The following SV2C variants were observed in gnomAD, a reference collection of about 807,000 sequenced individuals.
The protein encoded by SV2C is solute carrier family 22 member B3.
A neutral mutation model predicts 79.7 loss-of-function variants in SV2C; 49 were observed. The ratio of observed to expected loss-of-function variants is 0.61; its 90% CI spans 0.49 to 0.78. The LOEUF (loss-of-function observed/expected upper bound fraction) is 0.78. Among genes scored for constraint, SV2C ranks in the 30% least tolerant of loss-of-function variants. The pLI is 0.00. For synonymous variants in SV2C, 334 were observed against 333.2 expected (o/e 1.00, Z -0.03); for missense variants, 833 against 912.9 (o/e 0.91, Z 1.13).
rs972403623 is a variant in SV2C, at chr5:76,255,229, A to G, written c.914-29933A>G. 2.0e-5 allele frequency among the ~76,000 whole-genome samples: 3 copies of G among 152,250 alleles called. No individual in the cohort carries two copies. In the South Asian group the frequency reaches 6.2e-4, roughly 32 times the overall value. Reference sequence around the variant, plus strand: ...ATTTATTTTCCTGCCAGGGATTTTTAAAACCATAAAGCATTATCAAAATCA... The same window carrying G: ...ATTTATTTTCCTGCCAGGGATTTTTGAAACCATAAAGCATTATCAAAATCA... On this transcript the variant is annotated intron_variant, in intron 4 of 12. Transcript: ENST00000502798.
intron 2 of SV2C, among the ~76,000 whole-genome samples, chr5:76,163,044 C>CT (rs1398135114): frequency 4.6e-5 from 7 of 152,166 alleles, no homozygotes; most frequent in African/African-American, 1.7e-4. Context: ...GCCTGTCTGC[C>CT]TTGGACACCT....
At chr5:76,072,531 G>C in the SV2C span, among the ~76,000 whole-genome samples, 1 of 152,192 alleles carries the variant, frequency 6.6e-6, no homozygotes, top group East Asian at 1.9e-4. Flanking sequence ...AATTACAGTA[G>C]AGAAGGTGGT....
the SV2C span, among the ~76,000 whole-genome samples, chr5:75,895,639 C>G: frequency 2.6e-5 from 4 of 152,038 alleles, no homozygotes; most frequent in Non-Finnish European, 2.9e-5. Context: ...GCTCAGACTT[C>G]ATGGTTTCCA....
chr5:75,868,943 T>G, the SV2C span, among the ~76,000 whole-genome samples: 6 of 152,240 alleles, frequency 3.9e-5, no homozygotes, highest in Non-Finnish European at 7.3e-5. Flanking sequence ...CATGAGTTTT[T>G]CCTTCTTTAC....
At chr5:76,341,055 C>T (rs1473202863) in intron 12 of SV2C, among the ~76,000 whole-genome samples, 1 of 151,860 alleles carries the variant, frequency 6.6e-6, no homozygotes, top group African/African-American at 2.4e-5. Context: ...CTCAGCCTCC[C>T]GAGTAGCTGG....
chr5:75,970,695 CA>C, the SV2C span, among the ~76,000 whole-genome samples: 5 of 151,852 alleles, frequency 3.3e-5, no homozygotes, highest in Admixed American at 6.6e-5. Context: ...GCTTACCAAC[CA>C]AAAAAAGTCC....
At position 76,302,630 on chromosome 5, in the gene SV2C, CAA is replaced by C. The variant is rs60732488; in HGVS notation, c.2000+1108_2000+1109del. Among the ~76,000 whole-genome samples, 312 of 68,818 alleles carry C rather than the reference CAA, an allele frequency of 4.5e-3. 1 individual carries two copies. Among genetic ancestry groups the C allele is most frequent in the East Asian group, 0.031 (82 of 2,606 alleles). The allele number at this position is 68,818 out of a possible 152,430, so 45.1% of individuals were successfully genotyped here. A position where few individuals can be genotyped will look rare whatever the true frequency, so the allele number is the denominator to read the frequency against. On this transcript the variant is annotated intron_variant, in intron 12 of 12. Coordinates refer to ENST00000502798, the MANE Select transcript of SV2C (RefSeq NM_014979.4). ...GGACAACAAGAGTGAGACTCCATCT[CAA>C]AAAAAAAAAAAAAAAAAAAAAATTG... is the stretch of plus-strand genomic sequence containing the variant.
the SV2C span, among the ~76,000 whole-genome samples, chr5:75,932,502 C>G: frequency 6.6e-6 from 1 of 152,182 alleles, no homozygotes; most frequent in Non-Finnish European, 1.5e-5. Context: ...ACAGTTTGAC[C>G]CACATATTTA....
the SV2C span, among the ~76,000 whole-genome samples, chr5:76,051,945 GTAATAGATCAATTT>G: frequency 1.3e-5 from 2 of 152,134 alleles, no homozygotes; most frequent in Non-Finnish European, 2.9e-5. Context: ...TCTCTGCAGA[GTAATAGATCAATTT>G]TATTGTCTGC....
chr5:75,893,349 A>T, the SV2C span, among the ~76,000 whole-genome samples: 1 of 152,044 alleles, frequency 6.6e-6, no homozygotes, highest in South Asian at 2.1e-4. Flanking sequence ...TGAGGTCTGT[A>T]AAGTATTCTA....
At chr5:76,182,941 G>GTA (rs1491360961) in intron 2 of SV2C, among the ~76,000 whole-genome samples, 2 of 16,402 alleles carry the variant, frequency 1.2e-4, no homozygotes, top group African/African-American at 2.2e-3. Context: ...GTGTGTATGT[G>GTA]AGAGAGAGAG....
At chr5:75,852,025 T>C in the SV2C span, among the ~76,000 whole-genome samples, 3 of 152,116 alleles carry the variant, frequency 2.0e-5, no homozygotes, top group Non-Finnish European at 4.4e-5. Flanking sequence ...GAGACTTGAC[T>C]GATTGCAACA....
At chr5:75,889,365 C>T in the SV2C span, among the ~76,000 whole-genome samples, 213 of 147,752 alleles carry the variant, frequency 1.4e-3, no homozygotes, top group African/African-American at 4.9e-3. Context: ...GTTTTCTGTT[C>T]CTGTGTTAGT....
the SV2C span, among the ~76,000 whole-genome samples, chr5:75,861,838 C>T: frequency 6.6e-6 from 1 of 152,120 alleles, no homozygotes; most frequent in Admixed American, 6.5e-5. Context: ...GAGAGGAGGG[C>T]AAGTTTAGAA....
chr5:76,201,369 A>G (rs1266103657), intron 3 of SV2C, among the ~76,000 whole-genome samples: 3 of 152,232 alleles, frequency 2.0e-5, no homozygotes, highest in African/African-American at 4.8e-5. Flanking sequence ...ATGCTAGGCA[A>G]TATCAGAGTC....
the SV2C span, among the ~76,000 whole-genome samples, chr5:75,940,883 A>G: frequency 6.6e-6 from 1 of 152,166 alleles, no homozygotes; most frequent in Non-Finnish European, 1.5e-5. Flanking sequence ...TTAAAGTGTA[A>G]TTTTGCGCTT....
At chr5:76,310,558 C>A (rs1412303680) in intron 12 of SV2C, among the ~76,000 whole-genome samples, 1 of 152,096 alleles carries the variant, frequency 6.6e-6, no homozygotes, top group Non-Finnish European at 1.5e-5. Context: ...AAAATGAAAT[C>A]CAATGTGGGG....
chr5:75,857,061 G>A, the SV2C span, among the ~76,000 whole-genome samples: 5 of 149,918 alleles, frequency 3.3e-5, no homozygotes, highest in African/African-American at 9.8e-5. Flanking sequence ...GATTCAAGCC[G>A]ATTCTCCTGC....
rs1266295996 is a variant in SV2C at position 76,295,902 on chromosome 5, G to A, written c.1462G>A (p.Glu488Lys). ...YANFTINFTM[E>K]NQIHTGMEYD... ...AAATTTCACTATTAACTTTACAATG[G>A]AAAATCAGATTCATACTGGAATGGA... is the stretch of plus-strand genomic sequence containing the variant. The change falls in exon 9 of 13, where the codon GAA becomes AAA. Residue 488 changes from glutamate to lysine, a missense_variant. Coordinates refer to ENST00000502798, the MANE Select transcript of SV2C (RefSeq NM_014979.4). The A allele has an allele frequency of 1.9e-6, 3 of 1,611,748 alleles. No individual in the cohort carries two copies. The highest frequency in any genetic ancestry group is 2.5e-6 in the Non-Finnish European group (3 of 1,179,140).
Sources: allele counts gnomAD v4.1 joint callset (sites outside exome capture counted in the v4.1 genomes callset), GRCh38; gene constraint gnomAD v4.1.1; transcripts MANE v1.5; gene names NCBI Gene and HGNC (gene_info 2026-07-23, HGNC 2026-07-21).